The following ABL1 variants were observed in gnomAD, a reference collection of about 807,000 sequenced individuals.
The protein encoded by ABL1 is ABL proto-oncogene 1, non-receptor tyrosine kinase, also known as tyrosine-protein kinase ABL1.
Under a neutral mutation model 94.7 loss-of-function variants are expected in ABL1, and 11 were observed. That is an observed-to-expected ratio of 0.12 (90% CI 0.07 to 0.19). The LOEUF is 0.19. ABL1 is among the 10% of genes least tolerant of loss of function. The pLI, the probability that ABL1 is intolerant of heterozygous loss-of-function variation, is 1.00. For synonymous variants in ABL1, 656 were observed against 622.4 expected, an observed-to-expected ratio of 1.05 and a Z score of -0.80; for missense variants, 1,082 against 1,489.4, an observed-to-expected ratio of 0.73 and a Z score of 4.50.
At chr9:130,785,115 C>G (rs1296568751) in intron 1 of ABL1, among the ~76,000 whole-genome samples, 17 of 152,192 alleles carry the variant, frequency 1.1e-4, no homozygotes, top group Non-Finnish European at 2.2e-4. Flanking sequence ...AACAGTTTTC[C>G]TTTGCCTGCT....
intron 1 of ABL1, among the ~76,000 whole-genome samples, chr9:130,849,808 C>T (rs1454584940): frequency 2.6e-5 from 4 of 152,154 alleles, no homozygotes; most frequent in African/African-American, 9.7e-5. Flanking sequence ...TGAGCCACCG[C>T]ACCTGGCCTT....
At chr9:130,834,202 C>T (rs1306023674), upstream of ABL1, among the ~76,000 whole-genome samples, 1 of 152,144 alleles carries the variant, frequency 6.6e-6, no homozygotes, top group Non-Finnish European at 1.5e-5. Context: ...GGTAACATGG[C>T]ACATAGGAAG....
At chr9:130,859,996 GT>G (rs1407066564) in intron 3 of ABL1, among the ~76,000 whole-genome samples, 3 of 152,048 alleles carry the variant, frequency 2.0e-5, no homozygotes, top group Non-Finnish European at 2.9e-5. Flanking sequence ...GTTTCTAAGC[GT>G]TTCTTTGACA....
intron 1 of ABL1, among the ~76,000 whole-genome samples, chr9:130,808,058 A>C (rs905535190): frequency 1.3e-5 from 2 of 150,602 alleles, no homozygotes; most frequent in South Asian, 4.2e-4. Context: ...TTGGCAAGCC[A>C]GTTCTCTTTA....
intron 1 of ABL1, among the ~76,000 whole-genome samples, chr9:130,827,633 G>A (rs910356835): frequency 8.5e-5 from 13 of 152,122 alleles, no homozygotes; most frequent in East Asian, 3.9e-4. Context: ...CATGACTCAC[G>A]CCTGTAATCC....
rs1017462681 is a variant in ABL1, at chr9:130,878,545, G to A, written c.1401G>A (p.Lys467=). ...AGCGCCCAGAAGGCTGCCCAGAGAA[G>A]GTCTATGAACTCATGCGAGCATGTA... is the stretch of plus-strand genomic sequence containing the variant. The part of the protein sequence containing the change: ...RMERPEGCPE[K]VYELMRACWQ... Residue 467 remains lysine, a synonymous_variant, in exon 8 of 11, where the codon AAG becomes AAA. Transcript: ENST00000318560. The A allele has an allele frequency of 3.7e-6, 6 of 1,614,192 alleles. No individual in the cohort carries two copies. The Admixed American group carries it at 5.0e-5, about 13-fold the overall frequency.
intron 3 of ABL1, among the ~76,000 whole-genome samples, chr9:130,856,188 A>G (rs977191461): frequency 3.9e-5 from 6 of 152,190 alleles, no homozygotes; most frequent in African/African-American, 1.4e-4. Flanking sequence ...TCCCGGGTTC[A>G]AGCATTTCTC....
chr9:130,785,067 C>T (rs1402323396), intron 1 of ABL1, among the ~76,000 whole-genome samples: 1 of 152,242 alleles, frequency 6.6e-6, no homozygotes, highest in African/African-American at 2.4e-5. Context: ...ATCCATTCTG[C>T]TTTGCCATGT....
At chr9:130,867,426 A>G (rs1402105807) in intron 4 of ABL1, among the ~76,000 whole-genome samples, 2 of 152,246 alleles carry the variant, frequency 1.3e-5, no homozygotes, top group African/African-American at 4.8e-5. Flanking sequence ...ACAGCAGCAC[A>G]GTGATTCCCC....
At chr9:130,755,164 T>C (rs1832026870) in intron 1 of ABL1, among the ~76,000 whole-genome samples, 1 of 152,210 alleles carries the variant, frequency 6.6e-6, no homozygotes, top group South Asian at 2.1e-4. Flanking sequence ...ATATCAGAGC[T>C]ATGATTTAAG....
intron 8 of ABL1, 101 bp downstream of exon 8, chr9:130,878,668 T>C (rs924259375): frequency 3.2e-5 from 45 of 1,412,876 alleles, no homozygotes; most frequent in Non-Finnish European, 4.1e-5. Context: ...TTCCATGAGC[T>C]CTCTCCATTC....
chr9:130,769,347 T>TTTTTTTG (rs1832223950), intron 1 of ABL1, among the ~76,000 whole-genome samples: 1 of 146,428 alleles, frequency 6.8e-6, no homozygotes, highest in African/African-American at 2.6e-5. Context: ...TTTTTTTTTT[T>TTTTTTTG]TTTTGAGTTG....
Position 130,835,753 on chromosome 9 carries a change from T to TTC in ABL1, c.79+238_79+239dup. ...TTTCTCTTCTCTTGTCTCTCTCTTT[T>TTC]TCTCTCTCTCTGTCTCTTTCTCTTT... On this transcript the variant is annotated intron_variant, in intron 1 of 10. Coordinates refer to ENST00000318560, the MANE Select transcript of ABL1 (RefSeq NM_005157.6). This position sits in a 1 kb window ranked among gnomAD's most constrained non-coding sequence, Gnocchi z 4.6. Among the ~76,000 whole-genome samples, 1 of 152,006 alleles carries TTC rather than the reference T, an allele frequency of 6.6e-6. No individual in the cohort carries two copies. The highest frequency in any genetic ancestry group is 1.9e-4 in the East Asian group (1 of 5,158).
intron 1 of ABL1, among the ~76,000 whole-genome samples, chr9:130,806,472 G>C (rs1188718409): frequency 6.6e-6 from 1 of 152,132 alleles, no homozygotes; most frequent in Non-Finnish European, 1.5e-5. Flanking sequence ...AGCCAGGCCA[G>C]CTCTATTTCC....
In ABL1 at chr9:130,885,149, G is replaced by C; in HGVS notation, c.2859G>C (p.Glu953Asp). 2 of 1,613,094 alleles carry C rather than the reference G, an allele frequency of 1.2e-6. No individual in the cohort carries two copies. The highest frequency in any genetic ancestry group is 1.7e-6 in the Non-Finnish European group (2 of 1,179,916). Residue 953 changes from glutamate (E) to aspartate (D), a missense_variant, in exon 11 of 11, where the codon GAG (glutamate) becomes GAC (aspartate). By Grantham distance (45) the Glu-to-Asp change is conservative. Transcript: ENST00000318560. ...CTGCCAAGCCCAGCCAGCCGGGAGAGGGCCTCAAAAAGCCCGTGCTCCCGG... is the reference window on the plus strand; with the variant it reads ...CTGCCAAGCCCAGCCAGCCGGGAGACGGCCTCAAAAAGCCCGTGCTCCCGG... ...SDAAKPSQPG[E>D]GLKKPVLPAT... is the part of the protein sequence containing the mutation.
At chr9:130,810,557 C>T (rs935415547) in intron 1 of ABL1, among the ~76,000 whole-genome samples, 31 of 151,052 alleles carry the variant, frequency 2.1e-4, no homozygotes, top group Non-Finnish European at 4.1e-4. Context: ...AAACATTGCA[C>T]AAGTAAAGAT....
chr9:130,822,888 C>T (rs1830382143), intron 1 of ABL1, among the ~76,000 whole-genome samples: 1 of 151,986 alleles, frequency 6.6e-6, no homozygotes, highest in Non-Finnish European at 1.5e-5. Flanking sequence ...ACCTCTGCCT[C>T]CTGGGTTCAA....
chr9:130,857,655 T>A (rs956092098), intron 3 of ABL1, among the ~76,000 whole-genome samples: 3 of 152,084 alleles, frequency 2.0e-5, no homozygotes, highest in African/African-American at 7.2e-5. Flanking sequence ...TTGGCTGTCT[T>A]CACACATTCA....
In ABL1 at chr9:130,714,474, T is replaced by G. The variant is rs774348929; in HGVS notation, c.136+19T>G. ...GAACATGGTGAGTGCTTTTCAAAAT[T>G]TCTGCTCATGGTTTTCCTCATGCAT... On this transcript the variant is annotated intron_variant, in intron 1 of 10. Transcript: ENST00000372348. The G allele has an allele frequency of 5.3e-5, 85 of 1,614,050 alleles. No homozygotes were observed. Among genetic ancestry groups the G allele is most frequent in the Non-Finnish European group, 6.8e-5 (80 of 1,180,034 alleles).
Sources: allele counts gnomAD v4.1 joint callset (sites outside exome capture counted in the v4.1 genomes callset), GRCh38; gene constraint gnomAD v4.1.1; non-coding constraint Gnocchi (gnomAD v3.1); transcripts MANE v1.5; gene names NCBI Gene and HGNC (gene_info 2026-07-23, HGNC 2026-07-21).